The following SOCS7 variants were observed in gnomAD, a reference collection of about 807,000 sequenced individuals.
The protein encoded by SOCS7 is suppressor of cytokine signaling 7.
SOCS7 carries 18 observed loss-of-function variants against 58.9 expected under a neutral mutation model. The ratio of observed to expected loss-of-function variants is 0.31; its 90% CI spans 0.21 to 0.45. SOCS7 has a LOEUF of 0.45. Among genes scored for constraint, SOCS7 ranks in the 20% least tolerant of loss-of-function variants. The pLI is 1.00. For missense variants in SOCS7, 667 were observed against 837.3 expected (o/e 0.80, Z 2.51); for synonymous variants, 388 against 364.3 (o/e 1.06, Z -0.74).
chr17:38,377,570 A>G (rs1459403405), intron 6 of SOCS7, 144 bp from the exon 7 acceptor site: 1 of 593,530 alleles, frequency 1.7e-6, no homozygotes, highest in South Asian at 2.9e-5. Context: ...ATAAGCAGGA[A>G]CAGGTAGCTT....
chr17:38,355,386 T>G (rs944372531), intron 1 of SOCS7, among the ~76,000 whole-genome samples: 7 of 152,182 alleles, frequency 4.6e-5, no homozygotes, highest in African/African-American at 1.7e-4. Context: ...TGCTTAGGAT[T>G]TGGTGCTGCT....
intron 7 of SOCS7, 38 bp downstream of exon 7, chr17:38,377,880 G>T: frequency 1.3e-6 from 2 of 1,598,284 alleles, no homozygotes; most frequent in South Asian, 1.1e-5. Context: ...AACTTAAGTT[G>T]GGTATGATCC....
chr17:38,389,900 C>CATATATATATATAT (rs1263290062), intron 7 of SOCS7, among the ~76,000 whole-genome samples: 1 of 20,182 alleles, frequency 5.0e-5, no homozygotes, highest in Non-Finnish European at 9.8e-5. Flanking sequence ...TATATATATA[C>CATATATATATATAT]ACATATAGAG....
chr17:38,365,890 C>T, intron 4 of SOCS7: 2 of 707,096 alleles, frequency 2.8e-6, no homozygotes, highest in African/African-American at 1.9e-5. Flanking sequence ...TTCTTTTCTA[C>T]TTGCCTGGCA....
rs1597718541 is a variant in SOCS7 at position 38,401,064 on chromosome 17, C to G, written c.*1582C>G. The G allele has an allele frequency of 6.6e-6, 1 of 152,188 alleles. No individual in the cohort carries two copies. Among genetic ancestry groups the G allele is most frequent in the African/African-American group, 2.4e-5 (1 of 41,416 alleles). The allele number at this position is 152,188 out of a possible 1,614,324, so 9.4% of individuals were successfully genotyped here. The stretch of plus-strand genomic sequence containing the variant: ...ATGGTTTGGGTGGGGCCCCAGTGTC[C>G]TGGTAATTTATAGGACTGCCTCATC... On this transcript the variant is annotated 3_prime_UTR_variant, in exon 10 of 10. Transcript: ENST00000612932.
At position 38,352,658 on chromosome 17, in the gene SOCS7, C is replaced by T. The variant is rs1013900826; in HGVS notation, c.606C>T (p.Ser202=). Residue 202 remains serine (S), a synonymous_variant, in exon 1 of 10, where the codon AGC becomes AGT. Coordinates refer to ENST00000612932, the MANE Select transcript of SOCS7 (RefSeq NM_014598.4). The surrounding 1 kb of genome is among the most constrained non-coding windows in gnomAD (Gnocchi z 5.5). The part of the protein sequence containing the change: ...ETNSCSEEEL[S]SPGRGGGGGG... ...ACAGCTGCTCGGAAGAGGAGCTCAG[C>T]AGCCCGGGTCGCGGAGGAGGAGGGG... 9.0e-6 allele frequency: 14 copies of T among 1,549,826 alleles called. No homozygotes were observed. The highest frequency in any genetic ancestry group is 5.5e-5 in the African/African-American group (4 of 73,050).
intron 2 of SOCS7, among the ~76,000 whole-genome samples, chr17:38,362,582 T>C (rs2037734461): frequency 1.3e-5 from 2 of 152,218 alleles, no homozygotes; most frequent in East Asian, 1.9e-4. Flanking sequence ...AAAAAGGTGA[T>C]TGGAAGACTT....
chr17:38,370,080 C>T (rs2037842808), intron 6 of SOCS7, among the ~76,000 whole-genome samples: 1 of 152,034 alleles, frequency 6.6e-6, no homozygotes. Flanking sequence ...CGTGAGCCAC[C>T]ATGCCTGGCC....
rs868562217 is a variant in SOCS7 at position 38,351,892 on chromosome 17, C to T, written c.-161C>T. On this transcript the variant is annotated 5_prime_UTR_variant, in exon 1 of 10. Coordinates refer to ENST00000612932, the MANE Select transcript of SOCS7 (RefSeq NM_014598.4). Reference sequence around the variant, plus strand: ...TGGCGGAGCGCGGCCTGGGCTCGCGCTGGGCTCCGCGCGCCCCCCGCCCCC... The same window carrying T: ...TGGCGGAGCGCGGCCTGGGCTCGCGTTGGGCTCCGCGCGCCCCCCGCCCCC... Among the ~76,000 whole-genome samples, 5 of 149,964 alleles carry T rather than the reference C, an allele frequency of 3.3e-5. No homozygotes were observed. In the South Asian group the frequency reaches 1.1e-3, roughly 33 times the overall value.
chr17:38,383,653 GT>G (rs2038031274), intron 7 of SOCS7, among the ~76,000 whole-genome samples: 1 of 152,064 alleles, frequency 6.6e-6, no homozygotes, highest in African/African-American at 2.4e-5. Flanking sequence ...TGCCTCCTGG[GT>G]TCAAGCAATT....
chr17:38,388,974 T>A (rs1052492885), intron 7 of SOCS7, among the ~76,000 whole-genome samples: 27 of 152,350 alleles, frequency 1.8e-4, no homozygotes, highest in East Asian at 1.2e-3. Flanking sequence ...GTGAATATCT[T>A]TTCAATTCTC....
At chr17:38,374,830 C>T (rs993964214) in intron 6 of SOCS7, among the ~76,000 whole-genome samples, 3 of 152,234 alleles carry the variant, frequency 2.0e-5, no homozygotes, top group African/African-American at 7.2e-5. Context: ...GTCAGGCAAT[C>T]TGGCAGAAGG....
intron 4 of SOCS7, 95 bp from the exon 5 acceptor site, chr17:38,366,192 C>T: frequency 6.6e-7 from 1 of 1,520,596 alleles, no homozygotes; most frequent in Non-Finnish European, 8.9e-7. Flanking sequence ...ATGCCTTGCC[C>T]TCTTCAGTTA....
chr17:38,389,900 C>CATATATATATATAGATATATATGT (rs1263290062), intron 7 of SOCS7, among the ~76,000 whole-genome samples: 1 of 20,184 alleles, frequency 5.0e-5, no homozygotes, highest in East Asian at 2.6e-3. Context: ...TATATATATA[C>CATATATATATATAGATATATATGT]ACATATAGAG....
At chr17:38,379,019 G>GT (rs1371103617) in intron 7 of SOCS7, among the ~76,000 whole-genome samples, 1 of 151,590 alleles carries the variant, frequency 6.6e-6, no homozygotes, top group Non-Finnish European at 1.5e-5. Context: ...TTAGCCGGGT[G>GT]TGATGCCAGG....
chr17:38,352,206 G>T lies in SOCS7; in HGVS notation c.154G>T (p.Ala52Ser). The change falls in exon 1 of 10, where the codon GCG becomes TCG. Residue 52 changes from alanine (A) to serine (S), a missense_variant. Ala to Ser is a moderately conservative substitution (Grantham distance 99). This residue lies in a region of SOCS7 where 65 missense variants were observed against 51.0 expected (regional missense o/e 1.27). Transcript: ENST00000612932. This position sits in a 1 kb window ranked among gnomAD's most constrained non-coding sequence, Gnocchi z 5.5. ...TGGCCCCCCGCCGCCACCCTTCCTC[G>T]CGCGGCCCGGCCCGCGGGGCTCCCG... is the stretch of plus-strand genomic sequence containing the variant. The part of the protein sequence containing the change: ...GHGPPPPPFL[A>S]RPGPRGSRPP... The T allele has an allele frequency of 3.8e-6, 5 of 1,329,038 alleles. No homozygotes were observed. 82.3% of individuals were successfully genotyped at this position (1,329,038 alleles called of 1,614,324 possible).
At chr17:38,374,121 G>A (rs1207010503) in intron 6 of SOCS7, among the ~76,000 whole-genome samples, 1 of 152,244 alleles carries the variant, frequency 6.6e-6, no homozygotes, top group Non-Finnish European at 1.5e-5. Flanking sequence ...TTGGGAGGCT[G>A]AGGGAGGAGA....
At chr17:38,355,295 T>G (rs587657127) in intron 1 of SOCS7, among the ~76,000 whole-genome samples, 1 of 152,176 alleles carries the variant, frequency 6.6e-6, no homozygotes, top group Non-Finnish European at 1.5e-5. Context: ...TAAGAGTAGA[T>G]TGTTGAGAAG....
At chr17:38,380,326 A>G (rs2037984568) in intron 7 of SOCS7, among the ~76,000 whole-genome samples, 1 of 152,144 alleles carries the variant, frequency 6.6e-6, no homozygotes, top group Admixed American at 6.5e-5. Flanking sequence ...TAGGTAATAT[A>G]GATCAATCTA....
Sources: gnomAD v4.1 joint callset for allele counts (sites outside exome capture counted in the v4.1 genomes callset) on GRCh38, gnomAD v4.1.1 for gene constraint, gnomAD v4.1.1 regional missense constraint, Gnocchi (gnomAD v3.1) non-coding constraint, MANE v1.5 for transcripts, NCBI Gene and HGNC (gene_info 2026-07-23, HGNC 2026-07-21) for gene names.